Variants in ABCC12 observed in about 807,000 individuals in gnomAD.
The protein encoded by ABCC12 is ATP binding cassette subfamily C member 12.
ABCC12 carries 142 observed loss-of-function variants against 151.1 expected under a neutral mutation model. That is an observed-to-expected ratio of 0.94 (90% CI 0.82 to 1.08). The LOEUF is 1.08. ABCC12 is among the 50% of genes least tolerant of loss of function. ABCC12 has a pLI of 0.00. For synonymous variants in ABCC12, 645 were observed against 646.4 expected (o/e 1.00, Z 0.03); for missense variants, 1,638 against 1,691.1 (o/e 0.97, Z 0.55).
intron 10 of ABCC12, among the ~76,000 whole-genome samples, chr16:48,129,101 G>A (rs750464666): frequency 6.6e-6 from 1 of 152,224 alleles, no homozygotes; most frequent in Non-Finnish European, 1.5e-5. Context: ...CTCAGTCTCT[G>A]CTGTGTCCTC....
Position 48,088,576 on chromosome 16 carries a change from C to T in ABCC12, c.3444G>A (p.Gln1148=), listed in dbSNP as rs937091864. The T allele has an allele frequency of 2.5e-6, 4 of 1,614,200 alleles. No homozygotes were observed. Among genetic ancestry groups the T allele is most frequent in the Admixed American group, 1.7e-5 (1 of 60,020 alleles). Residue 1148 remains glutamine, a synonymous_variant, in exon 26 of 31, where the codon CAG becomes CAA. Coordinates refer to ENST00000311303, the MANE Select transcript of ABCC12 (RefSeq NM_001393797.1). ...DSLNLNIQSG[Q]TVGIVGRTGS... is the part of the protein sequence containing the mutation. ...CTGTTCTTCCAACAATCCCGACTGTCTGCCCACTTTGTATGTTCAAGTTCA... is the reference window on the plus strand; with the variant it reads ...CTGTTCTTCCAACAATCCCGACTGTTTGCCCACTTTGTATGTTCAAGTTCA...
At chr16:48,120,085 T>C (rs1183145606) in intron 13 of ABCC12, among the ~76,000 whole-genome samples, 1 of 152,106 alleles carries the variant, frequency 6.6e-6, no homozygotes, top group Non-Finnish European at 1.5e-5. Context: ...GATGGTCCAA[T>C]CAATGGTGAA....
intron 8 of ABCC12, among the ~76,000 whole-genome samples, chr16:48,136,763 A>T (rs1964624895): frequency 6.6e-6 from 1 of 152,048 alleles, no homozygotes; most frequent in Non-Finnish European, 1.5e-5. Flanking sequence ...GCAGGAGCGC[A>T]CTCCAGGCAA....
intron 29 of ABCC12, 124 bp downstream of exon 29, chr16:48,085,469 G>GT: frequency 1.2e-6 from 1 of 830,578 alleles, no homozygotes; most frequent in Non-Finnish European, 1.9e-6. Context: ...AAAGTGATCG[G>GT]TTTTTAAATG....
intron 12 of ABCC12, 49 bp downstream of exon 12, chr16:48,124,164 C>T: frequency 6.9e-6 from 11 of 1,586,910 alleles, no homozygotes; most frequent in Non-Finnish European, 9.5e-6. Context: ...GGAGCCATTT[C>T]ATTGTCATGT....
Position 48,140,878 on chromosome 16 carries a change from A to G in ABCC12, c.466T>C (p.Ser156Pro). ...HQILQQTERTSGKVWVGIGLC... is the reference protein window; with the variant it reads ...HQILQQTERTPGKVWVGIGLC... ...CCAATGCCAACCCAGACTTTCCCAG[A>G]GGTCCTCTCAGTCTGCTGGAGGATT... Residue 156 changes from serine (S) to proline (P), a missense_variant, in exon 6 of 31, where the codon TCT becomes CCT. Ser to Pro is a moderately conservative substitution (Grantham distance 74). Coordinates refer to ENST00000311303, the MANE Select transcript of ABCC12 (RefSeq NM_001393797.1). 2 of 1,614,170 alleles carry G rather than the reference A, an allele frequency of 1.2e-6. No individual in the cohort carries two copies. The highest frequency in any genetic ancestry group is 1.7e-6 in the Non-Finnish European group (2 of 1,180,042).
At chr16:48,119,162 T>C (rs913438156) in intron 13 of ABCC12, among the ~76,000 whole-genome samples, 2 of 152,214 alleles carry the variant, frequency 1.3e-5, no homozygotes, top group African/African-American at 2.4e-5. Flanking sequence ...TGAAGGATGC[T>C]AGATCCATCT....
At chr16:48,088,498 T>A (rs1202803857) in intron 26 of ABCC12, 47 bp downstream of exon 26, 1 of 1,583,382 alleles carries the variant, frequency 6.3e-7, no homozygotes, top group Non-Finnish European at 8.6e-7. Flanking sequence ...CCAGTGGAAA[T>A]CCAAAGAAAA....
At chr16:48,091,093 C>A in intron 25 of ABCC12, 27 bp downstream of exon 25, 1 of 1,609,366 alleles carries the variant, frequency 6.2e-7, no homozygotes. Flanking sequence ...TAACTTGTCC[C>A]TCCTCTCTGA....
rs762082336 is a variant in ABCC12 at position 48,091,175 on chromosome 16, C to T, written c.3230G>A (p.Gly1077Glu). The T allele has an allele frequency of 6.2e-7, 1 of 1,614,178 alleles. No individual in the cohort carries two copies. The highest frequency in any genetic ancestry group is 8.5e-7 in the Non-Finnish European group (1 of 1,180,024). The change falls in exon 25 of 31, where the codon GGA becomes GAA. Residue 1077 changes from glycine to glutamate, a missense_variant. Physicochemically the swap from Gly to Glu is moderately conservative, Grantham distance 98. Coordinates refer to ENST00000311303, the MANE Select transcript of ABCC12 (RefSeq NM_001393797.1). ...GGTGAATTTGGCTTGCGTCTCTGTT[C>T]CCGTTCGCACACACACTTGGAGCAG... ...SGLLQVCVRT[G>E]TETQAKFTSV...
intron 24 of ABCC12, among the ~76,000 whole-genome samples, chr16:48,093,288 C>T (rs905115521): frequency 1.1e-4 from 16 of 152,130 alleles, no homozygotes; most frequent in Non-Finnish European, 1.6e-4. Context: ...TCTACTCTGC[C>T]GGCACCTCAT....
rs773762830 is a variant in ABCC12, at chr16:48,111,885, A to G, written c.2015T>C (p.Ile672Thr). The G allele has an allele frequency of 1.2e-6, 2 of 1,614,148 alleles. No homozygotes were observed. The highest frequency in any genetic ancestry group is 1.7e-6 in the Non-Finnish European group (2 of 1,180,010). ...ACAAATCTCTCCATCTTCTAATAAAATAACTTCATCACAAGACTCTAAGAA... is the reference window on the plus strand; with the variant it reads ...ACAAATCTCTCCATCTTCTAATAAAGTAACTTCATCACAAGACTCTAAGAA... ...LQFLESCDEV[I>T]LLEDGEICEK... The change falls in exon 16 of 31, where the codon ATT becomes ACT. Residue 672 changes from isoleucine to threonine, a missense_variant. Coordinates refer to ENST00000311303, the MANE Select transcript of ABCC12 (RefSeq NM_001393797.1).
intron 2 of ABCC12, among the ~76,000 whole-genome samples, chr16:48,147,837 C>T (rs1011748171): frequency 6.6e-6 from 1 of 152,198 alleles, no homozygotes. Flanking sequence ...AGATAAATCC[C>T]CCAACGTGGA....
Position 48,107,333 on chromosome 16 carries a change from T to C in ABCC12, c.2464A>G (p.Lys822Glu), listed in dbSNP as rs1341659296. ...SNWWLGLWLD[K>E]GSRMTCGPQG... ...AAAGGGAAACTCACCCGTGAGCCCT[T>C]GTCCAACCAGAGACCCAGCCACCAG... The change falls in exon 20 of 31, where the codon AAG (lysine) becomes GAG (glutamate). Residue 822 changes from lysine (K) to glutamate (E), a missense_variant. Physicochemically the swap from Lys to Glu is moderately conservative, Grantham distance 56 (BLOSUM62 1). Transcript: ENST00000311303. 6.2e-7 allele frequency: 1 copy of C among 1,613,972 alleles called. No individual in the cohort carries two copies. The highest frequency in any genetic ancestry group is 8.5e-7 in the Non-Finnish European group (1 of 1,180,002).
Position 48,081,878 on chromosome 16 carries a change from G to A in ABCC12, c.*1837C>T, listed in dbSNP as rs1426371569. ...TGATTATCTGGCTGGTGTCCAGTTG[G>A]TAGAAAGTAAAGCATCCCTCCCTGA... is the stretch of plus-strand genomic sequence containing the variant. On this transcript the variant is annotated 3_prime_UTR_variant, in exon 31 of 31. Coordinates refer to ENST00000311303, the MANE Select transcript of ABCC12 (RefSeq NM_001393797.1). 6.6e-6 allele frequency among the ~76,000 whole-genome samples: 1 copy of A among 152,162 alleles called. No individual in the cohort carries two copies. The highest frequency in any genetic ancestry group is 2.4e-5 in the African/African-American group (1 of 41,440).
At chr16:48,085,005 C>G (rs1375012806) in intron 29 of ABCC12, among the ~76,000 whole-genome samples, 1 of 152,042 alleles carries the variant, frequency 6.6e-6, no homozygotes, top group Non-Finnish European at 1.5e-5. Context: ...TACACTTAAA[C>G]CACTTAGCAG....
At chr16:48,114,993 A>C (rs1963826334) in intron 15 of ABCC12, among the ~76,000 whole-genome samples, 1 of 152,096 alleles carries the variant, frequency 6.6e-6, no homozygotes, top group Non-Finnish European at 1.5e-5. Flanking sequence ...CCCCTCATCC[A>C]AGAGGTCTAC....
chr16:48,082,184 G>A lies in ABCC12; in HGVS notation c.*1531C>T, dbSNP rs1381653428. Among the ~76,000 whole-genome samples the A allele has an allele frequency of 6.6e-6, 1 of 152,194 alleles. No homozygotes were observed. Among genetic ancestry groups the A allele is most frequent in the Non-Finnish European group, 1.5e-5 (1 of 68,038 alleles). ...AACCCCCTGGCTCACGTCCTTCTCA[G>A]CCACATGTCTTAGTGCACCCTCTGC... On this transcript the variant is annotated 3_prime_UTR_variant, in exon 31 of 31. Coordinates refer to ENST00000311303, the MANE Select transcript of ABCC12 (RefSeq NM_001393797.1).
intron 28 of ABCC12, 196 bp downstream of exon 28, chr16:48,086,544 TG>T (rs1249211247): frequency 1.2e-4 from 70 of 566,632 alleles, no homozygotes; most frequent in Admixed American, 5.3e-4. Context: ...TGCTCTTGAC[TG>T]GATCATTGTA....
Sources: allele counts gnomAD v4.1 joint callset (sites outside exome capture counted in the v4.1 genomes callset), GRCh38; gene constraint gnomAD v4.1.1; transcripts MANE v1.5; gene names NCBI Gene and HGNC (gene_info 2026-07-23, HGNC 2026-07-21).